CCBE1: variants seen among roughly 807,000 people sequenced by gnomAD.
CCBE1 encodes collagen and calcium-binding EGF domain-containing protein 1.
CCBE1 carries 37 observed loss-of-function variants against 50.0 expected under a neutral mutation model. The ratio of observed to expected loss-of-function variants is 0.74; its 90% CI spans 0.57 to 0.97. The LOEUF (loss-of-function observed/expected upper bound fraction) is 0.97, where lower values mean the gene tolerates loss of function less well. Ranked by LOEUF, CCBE1 falls within the 50% of genes least tolerant of loss-of-function variation. The pLI is 0.00. For synonymous variants in CCBE1, 234 were observed against 203.7 expected, an observed-to-expected ratio of 1.15 and a Z score of -1.27; for missense variants, 538 against 523.8, an observed-to-expected ratio of 1.03 and a Z score of -0.26.
intron 5 of CCBE1, among the ~76,000 whole-genome samples, chr18:59,463,815 A>G (rs1911610993): frequency 6.6e-6 from 1 of 152,226 alleles, no homozygotes; most frequent in African/African-American, 2.4e-5. Context: ...ATGAGCATAT[A>G]AGTGGGATTT....
At chr18:59,565,341 G>T (rs1345300204) in intron 2 of CCBE1, among the ~76,000 whole-genome samples, 1 of 152,232 alleles carries the variant, frequency 6.6e-6, no homozygotes, top group Non-Finnish European at 1.5e-5. Context: ...GGGGATCAAG[G>T]TCTGGCCCTC....
intron 7 of CCBE1, among the ~76,000 whole-genome samples, chr18:59,442,225 G>A (rs183051394): frequency 1.3e-5 from 2 of 152,242 alleles, no homozygotes; most frequent in African/African-American, 2.4e-5. Context: ...TCTCAGTGCT[G>A]TGTCGATACA....
At chr18:59,533,097 C>G (rs935895822) in intron 2 of CCBE1, among the ~76,000 whole-genome samples, 2 of 152,206 alleles carry the variant, frequency 1.3e-5, no homozygotes, top group Non-Finnish European at 2.9e-5. Flanking sequence ...TCCCCCTCTT[C>G]AAGCTATTCT....
At chr18:59,580,173 C>G (rs919414138) in intron 2 of CCBE1, among the ~76,000 whole-genome samples, 1 of 152,210 alleles carries the variant, frequency 6.6e-6, no homozygotes, top group African/African-American at 2.4e-5. Context: ...AAGCCTGCCT[C>G]TTGTTCTCTT....
intron 2 of CCBE1, among the ~76,000 whole-genome samples, chr18:59,582,507 A>T (rs1398517812): frequency 6.6e-6 from 1 of 152,210 alleles, no homozygotes; most frequent in East Asian, 1.9e-4. Context: ...TTTTATTTGG[A>T]GACTTTTGCC....
At chr18:59,604,297 A>T (rs949540394) in intron 2 of CCBE1, among the ~76,000 whole-genome samples, 1 of 152,232 alleles carries the variant, frequency 6.6e-6, no homozygotes, top group Non-Finnish European at 1.5e-5. Flanking sequence ...CCAAGGGTGC[A>T]GAGCCTGTGC....
intron 2 of CCBE1, among the ~76,000 whole-genome samples, chr18:59,659,640 A>G (rs2054254771): frequency 6.6e-6 from 1 of 152,228 alleles, no homozygotes; most frequent in Non-Finnish European, 1.5e-5. Context: ...GTGTCTGACC[A>G]CAATTTCAGG....
chr18:59,441,692 C>A (rs1910433214), intron 7 of CCBE1, among the ~76,000 whole-genome samples: 1 of 151,908 alleles, frequency 6.6e-6, no homozygotes, highest in Non-Finnish European at 1.5e-5. Flanking sequence ...AGGAAAAAGT[C>A]AAATGGAAAT....
intron 2 of CCBE1, among the ~76,000 whole-genome samples, chr18:59,512,498 A>G (rs572800186): frequency 1.3e-5 from 2 of 152,376 alleles, no homozygotes; most frequent in South Asian, 2.1e-4. Flanking sequence ...AGCAGGAGTT[A>G]GAAACCCCAC....
At position 59,439,355 on chromosome 18, in the gene CCBE1, C is replaced by T. The variant is rs888104334; in HGVS notation, c.951+188G>A. On this transcript the variant is annotated intron_variant, in intron 9 of 10. Coordinates refer to ENST00000439986, the MANE Select transcript of CCBE1 (RefSeq NM_133459.4). Reference sequence around the variant, plus strand: ...TGGTGCACACCTGTGGTCCCAGCTGCTTGGGAGGCTGAGGCGGGAGAATTG... The same window carrying T: ...TGGTGCACACCTGTGGTCCCAGCTGTTTGGGAGGCTGAGGCGGGAGAATTG... Among the ~76,000 whole-genome samples, 19 of 151,806 alleles carry T rather than the reference C, an allele frequency of 1.3e-4. No homozygotes were observed. In the East Asian group the frequency reaches 2.9e-3, roughly 23 times the overall value.
chr18:59,476,366 GT>G (rs1912307199), intron 3 of CCBE1, among the ~76,000 whole-genome samples: 2 of 152,076 alleles, frequency 1.3e-5, no homozygotes, highest in Admixed American at 1.3e-4. Flanking sequence ...CCTTCCCACA[GT>G]TTATGCTGAA....
chr18:59,479,716 A>C (rs1410759501), intron 3 of CCBE1, among the ~76,000 whole-genome samples: 2 of 152,088 alleles, frequency 1.3e-5, no homozygotes, highest in Non-Finnish European at 2.9e-5. Context: ...AATGCATACA[A>C]CTTGAGGGCT....
intron 2 of CCBE1, among the ~76,000 whole-genome samples, chr18:59,506,880 A>C (rs1275345642): frequency 6.6e-6 from 1 of 152,246 alleles, no homozygotes; most frequent in Non-Finnish European, 1.5e-5. Flanking sequence ...TAAAGTGACT[A>C]TTAGTCTCCC....
At chr18:59,601,796 G>C (rs2144561884) in intron 2 of CCBE1, among the ~76,000 whole-genome samples, 1 of 152,284 alleles carries the variant, frequency 6.6e-6, no homozygotes, top group East Asian at 1.9e-4. Flanking sequence ...TGAGGGGAGT[G>C]CATTCTTTTG....
In CCBE1 at chr18:59,649,167, C is replaced by T. The variant is rs559503073; in HGVS notation, c.212+47462G>A. Among the ~76,000 whole-genome samples the T allele has an allele frequency of 2.1e-4, 32 of 152,310 alleles. No individual in the cohort carries two copies. In the South Asian group the frequency reaches 6.2e-3, roughly 30 times the overall value. On this transcript the variant is annotated intron_variant, in intron 2 of 10. Coordinates refer to ENST00000439986, the MANE Select transcript of CCBE1 (RefSeq NM_133459.4). Reference sequence around the variant, plus strand: ...CAGGACTGTTACCAGACATGAGAAACTTTCATCCTTGCCCATTATCTTATA... The same window carrying T: ...CAGGACTGTTACCAGACATGAGAAATTTTCATCCTTGCCCATTATCTTATA...
chr18:59,502,873 A>C (rs1944296), intron 2 of CCBE1, among the ~76,000 whole-genome samples: 1 of 152,174 alleles, frequency 6.6e-6, no homozygotes. Flanking sequence ...CAACCCTTCT[A>C]GTTTTGCAGT....
At chr18:59,527,090 G>A (rs555633457) in intron 2 of CCBE1, among the ~76,000 whole-genome samples, 1 of 152,282 alleles carries the variant, frequency 6.6e-6, no homozygotes. Context: ...ATCTAATATT[G>A]ACAGTGGGGT....
chr18:59,514,108 A>C (rs1914257834), intron 2 of CCBE1, among the ~76,000 whole-genome samples: 2 of 152,202 alleles, frequency 1.3e-5, no homozygotes, highest in African/African-American at 4.8e-5. Flanking sequence ...AAATTTGTAA[A>C]GTCAGTTCAT....
At chr18:59,582,540 T>G (rs558829527) in intron 2 of CCBE1, among the ~76,000 whole-genome samples, 56 of 152,302 alleles carry the variant, frequency 3.7e-4, no homozygotes, top group Non-Finnish European at 6.2e-4. Flanking sequence ...AAGAGACTCT[T>G]GGCTTAAGAA....
Sources: gnomAD v4.1 joint callset for allele counts (sites outside exome capture counted in the v4.1 genomes callset) on GRCh38, gnomAD v4.1.1 for gene constraint, MANE v1.5 for transcripts, NCBI Gene and HGNC (gene_info 2026-07-23, HGNC 2026-07-21) for gene names.